The following SCAF4 variants were observed in gnomAD, a reference collection of about 807,000 sequenced individuals.
SCAF4 encodes the protein SR-related CTD associated factor 4.
In SCAF4, 25 loss-of-function variants were observed where a neutral mutation model predicts 129.8. That is an observed-to-expected ratio of 0.19 (90% CI 0.14 to 0.27). SCAF4 has a LOEUF of 0.27. SCAF4 is among the 10% of genes least tolerant of loss of function. SCAF4 has a pLI of 1.00. For synonymous variants in SCAF4, 551 were observed against 497.7 expected (o/e 1.11, Z -1.43); for missense variants, 1,246 against 1,457.1 (o/e 0.86, Z 2.36).
intron 1 of SCAF4, chr21:31,706,896 T>C (rs2050678064): frequency 9.9e-6 from 3 of 304,510 alleles, no homozygotes; most frequent in Non-Finnish European, 1.9e-5. Context: ...ATCAGTGGTC[T>C]CTGTCTCCCC....
intron 6 of SCAF4, 94 bp downstream of exon 6, chr21:31,701,682 C>T (rs1482827005): frequency 7.6e-7 from 1 of 1,319,692 alleles, no homozygotes; most frequent in East Asian, 2.5e-5. Context: ...CGTATTTTCT[C>T]CTTTCAATGT....
chr21:31,700,919 G>A (rs1326511716), intron 7 of SCAF4, 76 bp downstream of exon 7: 2 of 1,405,900 alleles, frequency 1.4e-6, no homozygotes, highest in African/African-American at 1.4e-5. Flanking sequence ...CCACAGAAGG[G>A]ATACAGAAGT....
rs573116164 is a variant in SCAF4, at chr21:31,671,108, TAAAAA to T, written c.*286_*290del. On this transcript the variant is annotated 3_prime_UTR_variant, in exon 20 of 20. Coordinates refer to ENST00000286835, the MANE Select transcript of SCAF4 (RefSeq NM_020706.2). ...CTTTCACCGTTACCTTGTCTTAAAT[TAAAAA>T]AAAAAAAAAAAATAGAGAGCACTTC... The T allele has an allele frequency of 4.8e-5, 10 of 207,860 alleles. No homozygotes were observed. Among genetic ancestry groups the T allele is most frequent in the African/African-American group, 7.7e-5 (3 of 38,900 alleles). 12.9% of individuals were successfully genotyped at this position (207,860 alleles called of 1,614,324 possible). A position where few individuals can be genotyped will look rare whatever the true frequency, so the allele number is the denominator to read the frequency against.
intron 2 of SCAF4, 49 bp downstream of exon 2, chr21:31,706,225 T>A (rs749083104): frequency 1.6e-6 from 2 of 1,239,602 alleles, no homozygotes; most frequent in African/African-American, 1.5e-5. Context: ...GTAATAAATA[T>A]TTTCAAAATT....
rs548103473 is a variant in SCAF4, at chr21:31,730,867, G to A, written c.30+796C>T. On this transcript the variant is annotated intron_variant, in intron 1 of 19. Transcript: ENST00000286835. The stretch of plus-strand genomic sequence containing the variant: ...GAGGTTTTCACATGTAAATGTCCTC[G>A]TAGAAGGGAGCCGAGGATTAACTAC... Among the ~76,000 whole-genome samples, 33 of 152,304 alleles carry A rather than the reference G, an allele frequency of 2.2e-4. No individual in the cohort carries two copies. The South Asian group carries it at 3.3e-3, about 15-fold the overall frequency.
At chr21:31,718,667 G>A (rs1053087317) in intron 1 of SCAF4, among the ~76,000 whole-genome samples, 1 of 152,160 alleles carries the variant, frequency 6.6e-6, no homozygotes, top group African/African-American at 2.4e-5. Flanking sequence ...GCAGAGTCTT[G>A]TTTGAATGTA....
At chr21:31,691,780 T>TA in intron 14 of SCAF4, 37 bp downstream of exon 14, 2 of 1,187,412 alleles carry the variant, frequency 1.7e-6, no homozygotes, top group South Asian at 3.4e-5. Context: ...TTCTGCCTAT[T>TA]TAAAAAAAAA....
chr21:31,685,969 G>A (rs567053752), intron 16 of SCAF4, among the ~76,000 whole-genome samples: 7 of 152,164 alleles, frequency 4.6e-5, no homozygotes, highest in African/African-American at 1.4e-4. Flanking sequence ...TTGGGAGGCC[G>A]AGGCAGGCGG....
Position 31,677,979 on chromosome 21 carries a change from G to A in SCAF4, c.2489-5625C>T, listed in dbSNP as rs151229398. Among the ~76,000 whole-genome samples, 535 of 152,248 alleles carry A rather than the reference G, an allele frequency of 3.5e-3. 2 individuals carry two copies. The highest frequency in any genetic ancestry group is 6.8e-3 in the Middle Eastern group (2 of 294). On this transcript the variant is annotated intron_variant, in intron 19 of 19. Transcript: ENST00000286835. ...GGCACGTGGAACTATGTCTACCTTAGTCTCACAGCATCATATTCTTAGCTG... is the reference window on the plus strand; with the variant it reads ...GGCACGTGGAACTATGTCTACCTTAATCTCACAGCATCATATTCTTAGCTG...
At position 31,732,072 on chromosome 21, in the gene SCAF4, A is replaced by C; in HGVS notation, c.-380T>G. ...GGCGGGCCTCTCTCTCCCTCTCTCC[A>C]GCGGGATGGCGGCAGCGGCCCGAGT... On this transcript the variant is annotated 5_prime_UTR_variant, in exon 1 of 20. Transcript: ENST00000286835. 2.4e-6 allele frequency: 1 copy of C among 411,028 alleles called. No individual in the cohort carries two copies. The allele number at this position is 411,028 out of a possible 1,614,324, so 25.5% of individuals were successfully genotyped here.
At chr21:31,709,963 CATACCT>C (rs994769717) in intron 1 of SCAF4, among the ~76,000 whole-genome samples, 1 of 151,810 alleles carries the variant, frequency 6.6e-6, no homozygotes, top group African/African-American at 2.4e-5. Flanking sequence ...TACCCATACC[CATACCT>C]GATACAATGC....
intron 1 of SCAF4, among the ~76,000 whole-genome samples, chr21:31,707,969 T>C (rs544647066): frequency 6.6e-6 from 1 of 152,348 alleles, no homozygotes; most frequent in East Asian, 1.9e-4. Context: ...TAACACAGGA[T>C]TTCATTTTAA....
intron 15 of SCAF4, among the ~76,000 whole-genome samples, chr21:31,688,871 G>T (rs117605395): frequency 3.1e-3 from 468 of 152,262 alleles, no homozygotes; most frequent in Non-Finnish European, 5.8e-3. Context: ...TAAAGTATTA[G>T]AAATAAAGGA....
At chr21:31,701,643 T>C (rs2050534795) in intron 6 of SCAF4, 133 bp downstream of exon 6, 2 of 918,618 alleles carry the variant, frequency 2.2e-6, no homozygotes, top group Non-Finnish European at 1.6e-6. Flanking sequence ...TTACTTCTCT[T>C]GTGAAGGCTT....
rs1361714041 is a variant in SCAF4 at position 31,717,918 on chromosome 21, C to T, written c.31-11561G>A. 7.1e-4 allele frequency among the ~76,000 whole-genome samples: 100 copies of T among 140,376 alleles called. No individual in the cohort carries two copies. The South Asian group carries it at 0.011, about 15-fold the overall frequency. The allele number at this position is 140,376 out of a possible 152,430, so 92.1% of individuals were successfully genotyped here. A position where few individuals can be genotyped will look rare whatever the true frequency, so the allele number is the denominator to read the frequency against. Reference sequence around the variant, plus strand: ...ATACACATATATACACACACACACACACACACACACACACACACACACACA... The same window carrying T: ...ATACACATATATACACACACACACATACACACACACACACACACACACACA... On this transcript the variant is annotated intron_variant, in intron 1 of 19. Transcript: ENST00000286835.
intron 1 of SCAF4, among the ~76,000 whole-genome samples, chr21:31,708,641 C>A (rs559663301): frequency 6.6e-6 from 1 of 152,100 alleles, no homozygotes; most frequent in East Asian, 1.9e-4. Flanking sequence ...AACAAAAACC[C>A]ATAGGTCTTA....
At chr21:31,717,900 T>TACACACACAC in intron 1 of SCAF4, among the ~76,000 whole-genome samples, 1 of 78,648 alleles carries the variant, frequency 1.3e-5, no homozygotes, top group African/African-American at 4.5e-5. Flanking sequence ...TATATACACA[T>TACACACACAC]ATATACACAC....
chr21:31,679,195 G>A (rs1048686005), intron 19 of SCAF4, among the ~76,000 whole-genome samples: 2 of 152,136 alleles, frequency 1.3e-5, no homozygotes, highest in Admixed American at 6.5e-5. Flanking sequence ...CAGTTCCACC[G>A]TTTTGATTTG....
chr21:31,688,208 T>G, intron 16 of SCAF4, 99 bp downstream of exon 16: 1 of 1,031,170 alleles, frequency 9.7e-7, no homozygotes, highest in Non-Finnish European at 1.4e-6. Context: ...ATATATGTAC[T>G]CATGTTTTTT....
Sources: gnomAD v4.1 joint callset for allele counts (sites outside exome capture counted in the v4.1 genomes callset) on GRCh38, gnomAD v4.1.1 for gene constraint, MANE v1.5 for transcripts, NCBI Gene and HGNC (gene_info 2026-07-23, HGNC 2026-07-21) for gene names.